CDK17: variants seen among roughly 807,000 people sequenced by gnomAD.
CDK17 encodes cyclin-dependent kinase 17.
In CDK17, 24 loss-of-function variants were observed where a neutral mutation model predicts 77.6. The ratio of observed to expected loss-of-function variants is 0.31; its 90% CI spans 0.22 to 0.44. The LOEUF is 0.44. CDK17 is among the 20% of genes least tolerant of loss of function. The probability of loss-of-function intolerance (pLI) is 1.00; values close to 1 mark genes in which losing one functional copy is unlikely to be tolerated. For missense variants in CDK17, 429 were observed against 622.5 expected (o/e 0.69, Z 3.31); for synonymous variants, 203 against 210.4 (o/e 0.96, Z 0.30).
rs755378085 is a variant in CDK17, at chr12:96,283,731, T to A, written c.1323-86A>T. ...TAAAACTATTTTCTAAGTGTTTTAA[T>A]CTGCTAAATTTAAATGCCCTAAAAT... On this transcript the variant is annotated intron_variant, in intron 13 of 16. Coordinates refer to ENST00000261211, the MANE Select transcript of CDK17 (RefSeq NM_002595.5). The A allele has an allele frequency of 1.6e-4, 139 of 856,558 alleles. 1 individual carries two copies. Among genetic ancestry groups the A allele is most frequent in the Admixed American group, 3.1e-4 (14 of 45,538 alleles). The allele number at this position is 856,558 out of a possible 1,614,324, so 53.1% of individuals were successfully genotyped here. A position where few individuals can be genotyped will look rare whatever the true frequency, so the allele number is the denominator to read the frequency against.
chr12:96,357,032 T>C (rs1027477639), intron 1 of CDK17, among the ~76,000 whole-genome samples: 1 of 152,210 alleles, frequency 6.6e-6, no homozygotes, highest in Admixed American at 6.5e-5. Context: ...TAGTGATCTA[T>C]TAGAAATGTC....
In CDK17 at chr12:96,279,415, G is replaced by T. The variant is rs1196571933; in HGVS notation, c.*827C>A. On this transcript the variant is annotated 3_prime_UTR_variant, in exon 17 of 17. Coordinates refer to ENST00000261211, the MANE Select transcript of CDK17 (RefSeq NM_002595.5). ...AAACAAAGCAAGACCTTTCGCGTTT[G>T]AACAGACTTCTACGGTTAAGTTTTA... 2.6e-5 allele frequency: 4 copies of T among 152,166 alleles called. No individual in the cohort carries two copies. The highest frequency in any genetic ancestry group is 5.9e-5 in the Non-Finnish European group (4 of 68,000). 9.4% of individuals were successfully genotyped at this position (152,166 alleles called of 1,614,324 possible).
chr12:96,354,977 T>C (rs1277897107), intron 1 of CDK17, among the ~76,000 whole-genome samples: 1 of 152,126 alleles, frequency 6.6e-6, no homozygotes, highest in Admixed American at 6.5e-5. Context: ...TGTATTTCTA[T>C]ACAGCAGCCA....
intron 1 of CDK17, among the ~76,000 whole-genome samples, chr12:96,384,621 G>C (rs537781621): frequency 3.9e-4 from 60 of 152,338 alleles, no homozygotes; most frequent in African/African-American, 1.4e-3. Context: ...CATGGATGCA[G>C]CTGGAGACCA....
chr12:96,399,343 A>G (rs914664250), intron 1 of CDK17: 6 of 151,172 alleles, frequency 4.0e-5, no homozygotes, highest in Non-Finnish European at 5.9e-5. Context: ...CCTTCCCTCT[A>G]CCTCCGCTCT....
At chr12:96,355,408 T>G (rs1953378846) in intron 1 of CDK17, among the ~76,000 whole-genome samples, 2 of 143,210 alleles carry the variant, frequency 1.4e-5, no homozygotes, top group African/African-American at 2.6e-5. Context: ...GTTTTTTTTT[T>G]TTTTTTTTTT....
intron 1 of CDK17, among the ~76,000 whole-genome samples, chr12:96,341,318 TACAC>T (rs10656968): frequency 1.0e-3 from 156 of 148,792 alleles, no homozygotes; most frequent in Middle Eastern, 6.9e-3. Context: ...ATCATATACA[TACAC>T]ACACACACAC....
intron 11 of CDK17, among the ~76,000 whole-genome samples, chr12:96,287,255 T>C (rs1952258737): frequency 6.6e-6 from 1 of 151,864 alleles, no homozygotes; most frequent in Admixed American, 6.6e-5. Context: ...GAAGCAGAGG[T>C]AGAACATGTT....
chr12:96,300,446 G>C (rs1952482962), intron 5 of CDK17, 86 bp from the exon 6 acceptor site: 1 of 761,454 alleles, frequency 1.3e-6, no homozygotes, highest in Admixed American at 2.6e-5. Flanking sequence ...GCCCAGGCTG[G>C]AGTGCAGCGG....
intron 9 of CDK17, 38 bp downstream of exon 9, chr12:96,297,232 A>C: frequency 7.1e-7 from 1 of 1,402,724 alleles, no homozygotes; most frequent in Non-Finnish European, 1.0e-6. Context: ...CCTATGCTTT[A>C]AACAAAATTT....
At chr12:96,393,399 C>G (rs924147807) in intron 1 of CDK17, among the ~76,000 whole-genome samples, 10 of 135,128 alleles carry the variant, frequency 7.4e-5, no homozygotes, top group Non-Finnish European at 1.6e-4. Context: ...ATAGGTCAGA[C>G]TCAAGGTGCT....
In CDK17 at chr12:96,339,266, T is replaced by C. The variant is rs114405504; in HGVS notation, c.-29-4401A>G. 6.6e-3 allele frequency among the ~76,000 whole-genome samples: 1,007 copies of C among 152,260 alleles called. 16 individuals are homozygous for C. Among genetic ancestry groups the C allele is most frequent in the African/African-American group, 0.023 (970 of 41,554 alleles). ...CACAGAACTGAGCTATCCAAAACTG[T>C]AGCCAACAGCAGGCTAATAAGCACT... is the stretch of plus-strand genomic sequence containing the variant. On this transcript the variant is annotated intron_variant, in intron 1 of 16. Coordinates refer to ENST00000261211, the MANE Select transcript of CDK17 (RefSeq NM_002595.5).
At chr12:96,361,731 C>A (rs1206463051) in intron 1 of CDK17, among the ~76,000 whole-genome samples, 1 of 151,984 alleles carries the variant, frequency 6.6e-6, no homozygotes, top group African/African-American at 2.4e-5. Flanking sequence ...TCTTACAAAA[C>A]GGAATCAAGA....
chr12:96,340,695 G>A (rs959838385), intron 1 of CDK17, among the ~76,000 whole-genome samples: 1 of 152,066 alleles, frequency 6.6e-6, no homozygotes, highest in Admixed American at 6.6e-5. Context: ...TACTTACACT[G>A]GCTTTAAGGT....
chr12:96,286,083 G>T lies in CDK17; in HGVS notation c.1282C>A (p.Pro428Thr). 6.4e-7 allele frequency: 1 copy of T among 1,556,872 alleles called. No homozygotes were observed. Among genetic ancestry groups the T allele is most frequent in the Non-Finnish European group, 8.7e-7 (1 of 1,149,066 alleles). The change falls in exon 13 of 17, where the codon CCA becomes ACA. Residue 428 changes from proline to threonine, a missense_variant. Transcript: ENST00000261211. ...ATTAGAGGCTGTGGTTTATATTTTG[G>T]AAAGTTGTAGTTCTTGAACTCCTCA... The part of the protein sequence containing the change: ...SNEEFKNYNF[P>T]KYKPQPLINH...
rs1005399836 is a variant in CDK17 at position 96,280,231 on chromosome 12, T to C, written c.*11A>G. 12 of 1,550,296 alleles carry C rather than the reference T, an allele frequency of 7.7e-6. No individual in the cohort carries two copies. The highest frequency in any genetic ancestry group is 1.2e-5 in the South Asian group (1 of 83,836). On this transcript the variant is annotated 3_prime_UTR_variant, in exon 17 of 17. Coordinates refer to ENST00000261211, the MANE Select transcript of CDK17 (RefSeq NM_002595.5). ...AGGCTGGGGGCTGGGCTTGAAACCA[T>C]GTTATCAGACTTAAAAGAGCATGCT...
At chr12:96,380,465 T>C (rs1953862125) in intron 1 of CDK17, among the ~76,000 whole-genome samples, 1 of 152,028 alleles carries the variant, frequency 6.6e-6, no homozygotes, top group East Asian at 1.9e-4. Context: ...ATTTTTGTAT[T>C]TTTAGTAGAG....
chr12:96,359,757 T>C (rs1321887014), intron 1 of CDK17, among the ~76,000 whole-genome samples: 1 of 152,222 alleles, frequency 6.6e-6, no homozygotes. Flanking sequence ...AAAAGATTTA[T>C]ACTATAAAAC....
Position 96,373,455 on chromosome 12 carries a change from G to A in CDK17, c.-30+26531C>T, listed in dbSNP as rs544754946. 5.9e-5 allele frequency among the ~76,000 whole-genome samples: 9 copies of A among 152,134 alleles called. No individual in the cohort carries two copies. In the East Asian group the frequency reaches 1.5e-3, roughly 26 times the overall value. On this transcript the variant is annotated intron_variant, in intron 1 of 16. Transcript: ENST00000261211. Reference sequence around the variant, plus strand: ...TAAAAATACAAAAAATTAGCCGGGCGTGGTGGCAGGCACCTGTAATTGCAG... The same window carrying A: ...TAAAAATACAAAAAATTAGCCGGGCATGGTGGCAGGCACCTGTAATTGCAG...
Sources: gnomAD v4.1 joint callset for allele counts (sites outside exome capture counted in the v4.1 genomes callset) on GRCh38, gnomAD v4.1.1 for gene constraint, MANE v1.5 for transcripts, NCBI Gene and HGNC (gene_info 2026-07-23, HGNC 2026-07-21) for gene names.